COQ8A: variants seen among roughly 807,000 people sequenced by gnomAD.
COQ8A encodes atypical kinase COQ8A, mitochondrial.
COQ8A carries 51 observed loss-of-function variants against 65.0 expected under a neutral mutation model. The ratio of observed to expected loss-of-function variants is 0.78; its 90% confidence interval spans 0.63 to 0.99. COQ8A has a LOEUF of 0.99. COQ8A is among the 50% of genes least tolerant of loss of function. COQ8A has a pLI of 0.00. For synonymous variants in COQ8A, 371 were observed against 353.2 expected, an observed-to-expected ratio of 1.05 and a Z score of -0.57; for missense variants, 940 against 875.0, an observed-to-expected ratio of 1.07 and a Z score of -0.94.
intron 1 of COQ8A, among the ~76,000 whole-genome samples, chr1:226,958,589 C>T (rs532646862): frequency 2.0e-5 from 3 of 152,344 alleles, no homozygotes; most frequent in African/African-American, 7.2e-5. Context: ...TAGCCCAGAG[C>T]CCTGGGAGAG....
chr1:226,964,427 C>G (rs1658434565), intron 2 of COQ8A, among the ~76,000 whole-genome samples: 1 of 152,192 alleles, frequency 6.6e-6, no homozygotes, highest in African/African-American at 2.4e-5. Context: ...CTCCCCTGCC[C>G]CTCCATTTCC....
rs1658960030 is a variant in COQ8A, at chr1:226,972,428, G to A, written c.656-5021G>A. On this transcript the variant is annotated intron_variant, in intron 4 of 14. Transcript: ENST00000366777. The surrounding 1 kb of genome is among the most constrained non-coding windows in gnomAD (Gnocchi z 4.3). ...CAGTGGGCCAGGAATGAAGAGTAGA[G>A]GGAATGGACCTTTGGGTATCCTATT... 6.6e-6 allele frequency among the ~76,000 whole-genome samples: 1 copy of A among 152,150 alleles called. No homozygotes were observed. Among genetic ancestry groups the A allele is most frequent in the Non-Finnish European group, 1.5e-5 (1 of 68,032 alleles).
intron 5 of COQ8A, among the ~76,000 whole-genome samples, chr1:226,977,936 CCCA>C (rs1659348954): frequency 6.6e-6 from 1 of 151,022 alleles, no homozygotes; most frequent in African/African-American, 2.4e-5. Context: ...CCCTTGCCCA[CCCA>C]CCAAACACCC....
intron 1 of COQ8A, among the ~76,000 whole-genome samples, chr1:226,943,367 C>CGGGAGAGCCAGTGGAA (rs1656816988): frequency 6.6e-6 from 1 of 152,070 alleles, no homozygotes. Context: ...GCCAGGAACT[C>CGGGAGAGCCAGTGGAA]GGGAGAGCCA....
At chr1:226,943,185 G>A (rs754395377) in intron 1 of COQ8A, among the ~76,000 whole-genome samples, 68 of 152,226 alleles carry the variant, frequency 4.5e-4, no homozygotes, top group Admixed American at 9.2e-4. Flanking sequence ...TTATTGGGAA[G>A]CTCAAAACTT....
chr1:226,941,502 CA>C (rs1656689552), intron 1 of COQ8A, among the ~76,000 whole-genome samples: 1 of 152,016 alleles, frequency 6.6e-6, no homozygotes, highest in Non-Finnish European at 1.5e-5. Flanking sequence ...TGCGGTGGCT[CA>C]CGCCTGTAAT....
At chr1:226,964,715 T>C (rs1431431489) in intron 2 of COQ8A, among the ~76,000 whole-genome samples, 1 of 152,226 alleles carries the variant, frequency 6.6e-6, no homozygotes, top group East Asian at 1.9e-4. Flanking sequence ...AGGAACCCGC[T>C]GCGGGCGTAG....
At chr1:226,956,738 A>C (rs1657792429) in intron 1 of COQ8A, among the ~76,000 whole-genome samples, 1 of 94,686 alleles carries the variant, frequency 1.1e-5, no homozygotes, top group Admixed American at 1.1e-4. Context: ...TCCCTGGTTC[A>C]CACTCTCCCT....
At chr1:226,960,457 CAGTACTTGGTGGTGGTGGCAGT>C (rs1658155374) in intron 1 of COQ8A, among the ~76,000 whole-genome samples, 3 of 2,556 alleles carry the variant, frequency 1.2e-3, no homozygotes, top group African/African-American at 1.7e-3. Flanking sequence ...GTGGTGGTGG[CAGTACTTGGTGGTGGTGGCAGT>C]GGTACTTGGT....
chr1:226,984,578 A>G lies in COQ8A; in HGVS notation c.1429A>G (p.Arg477Gly). 6.2e-7 allele frequency: 1 copy of G among 1,614,050 alleles called. No homozygotes were observed. Among genetic ancestry groups the G allele is most frequent in the South Asian group, 1.1e-5 (1 of 91,078 alleles). ...CTACAACATCCTGGTTCTGTGCCTGAGGGAGCTGTTCGAGTTCCACTTCAT... is the reference window on the plus strand; with the variant it reads ...CTACAACATCCTGGTTCTGTGCCTGGGGGAGCTGTTCGAGTTCCACTTCAT... Reference protein sequence around the residue: ...ICYNILVLCLRELFEFHFMQT... With the variant: ...ICYNILVLCLGELFEFHFMQT... The change falls in exon 12 of 15, where the codon AGG becomes GGG. Residue 477 changes from arginine to glycine, a missense_variant. Physicochemically the swap from Arg to Gly is moderately radical, Grantham distance 125 (BLOSUM62 -2). Transcript: ENST00000366777.
intron 4 of COQ8A, chr1:226,975,057 GAC>G (rs1659112147): frequency 6.6e-6 from 1 of 152,282 alleles, no homozygotes; most frequent in African/African-American, 2.4e-5. Flanking sequence ...GAAGAATCCA[GAC>G]ACAGAGAGAC....
At chr1:226,981,705 C>T (rs1659701236) in intron 5 of COQ8A, among the ~76,000 whole-genome samples, 1 of 152,240 alleles carries the variant, frequency 6.6e-6, no homozygotes, top group African/African-American at 2.4e-5. Context: ...CCCCTTCCAG[C>T]CACAGGCAGC....
intron 4 of COQ8A, among the ~76,000 whole-genome samples, chr1:226,970,200 G>A (rs1483726112): frequency 6.6e-6 from 1 of 152,168 alleles, no homozygotes; most frequent in Non-Finnish European, 1.5e-5. Context: ...TGATCCACCT[G>A]CCTCAACCTT....
intron 4 of COQ8A, among the ~76,000 whole-genome samples, chr1:226,971,174 C>T (rs965125414): frequency 2.1e-4 from 32 of 152,054 alleles, no homozygotes; most frequent in African/African-American, 7.7e-4. Context: ...CTCCTGACCT[C>T]AGGTGATCCA....
At chr1:226,952,507 C>T (rs1255772355) in intron 1 of COQ8A, among the ~76,000 whole-genome samples, 3 of 152,088 alleles carry the variant, frequency 2.0e-5, no homozygotes, top group Admixed American at 1.3e-4. Context: ...CCTCAAATCC[C>T]TGGGCTCAAG....
At position 226,977,627 on chromosome 1, in the gene COQ8A, C is replaced by T. The variant is rs187762887; in HGVS notation, c.730+104C>T. ...CTCTGGGAGTGTCAGCCAGCTGGGCCGCATTTGCATGGGGTTCCACGTAAG... is the reference window on the plus strand; with the variant it reads ...CTCTGGGAGTGTCAGCCAGCTGGGCTGCATTTGCATGGGGTTCCACGTAAG... On this transcript the variant is annotated intron_variant, in intron 5 of 14. Coordinates refer to ENST00000366777, the MANE Select transcript of COQ8A (RefSeq NM_020247.5). 3.3e-4 allele frequency: 434 copies of T among 1,299,490 alleles called. 7 individuals carry two copies. The East Asian group carries it at 8.0e-3, about 24-fold the overall frequency. 80.5% of individuals were successfully genotyped at this position (1,299,490 alleles called of 1,614,324 possible). A position where few individuals can be genotyped will look rare whatever the true frequency, so the allele number is the denominator to read the frequency against.
intron 4 of COQ8A, 28 bp from the exon 5 acceptor site, chr1:226,977,421 C>A (rs559439483): frequency 6.5e-7 from 1 of 1,549,320 alleles, no homozygotes; most frequent in South Asian, 1.2e-5. Context: ...TGCGTGAGCA[C>A]TGAGTGCCCG....
rs1231634950 is a variant in COQ8A at position 226,982,016 on chromosome 1, C to T, written c.731-11C>T. The T allele has an allele frequency of 6.2e-7, 1 of 1,612,896 alleles. No individual in the cohort carries two copies. ...CCGAGTGCCGTGGTGACCCCTCTTG[C>T]CCGCCCACAGGGAAGAAGGCCGTGC... On this transcript the variant is annotated splice_polypyrimidine_tract_variant and intron_variant, in intron 5 of 14. Transcript: ENST00000366777.
intron 2 of COQ8A, among the ~76,000 whole-genome samples, chr1:226,963,377 T>C (rs2148056832): frequency 6.6e-6 from 1 of 152,320 alleles, no homozygotes; most frequent in Non-Finnish European, 1.5e-5. Context: ...CCCTCAAGGT[T>C]GCTTCCACAT....
Sources: gnomAD v4.1 joint callset for allele counts (sites outside exome capture counted in the v4.1 genomes callset) on GRCh38, gnomAD v4.1.1 for gene constraint, Gnocchi (gnomAD v3.1) non-coding constraint, MANE v1.5 for transcripts, NCBI Gene and HGNC (gene_info 2026-07-23, HGNC 2026-07-21) for gene names.